PIF1: variants seen among roughly 807,000 people sequenced by gnomAD.
PIF1 encodes PIF1 5'-to-3' DNA helicase.
A neutral mutation model predicts 62.3 loss-of-function variants in PIF1; 67 were observed. That is an observed-to-expected ratio of 1.08 (90% CI 0.88 to 1.32). PIF1 has a LOEUF of 1.32. Among genes scored for constraint, PIF1 ranks in the 40% most tolerant of loss-of-function variants. The probability of loss-of-function intolerance (pLI) is 0.00; values close to 1 mark genes in which losing one functional copy is unlikely to be tolerated. For missense variants in PIF1, 886 were observed against 866.1 expected (o/e 1.02, Z -0.29); for synonymous variants, 364 against 379.5 (o/e 0.96, Z 0.47).
At chr15:64,819,620 C>T (rs1316726664) in intron 8 of PIF1, among the ~76,000 whole-genome samples, 1 of 152,120 alleles carries the variant, frequency 6.6e-6, no homozygotes, top group Non-Finnish European at 1.5e-5. Context: ...CCAAAAAAAA[C>T]TATTAGACCA....
intron 1 of PIF1, among the ~76,000 whole-genome samples, chr15:64,824,883 G>GTATA (rs1455524475): frequency 6.6e-4 from 97 of 147,266 alleles, no homozygotes; most frequent in African/African-American, 2.3e-3. Context: ...GTGTGTGTGT[G>GTATA]TATATATATG....
At chr15:64,824,999 A>T (rs1001085108) in intron 1 of PIF1, among the ~76,000 whole-genome samples, 48 of 147,982 alleles carry the variant, frequency 3.2e-4, no homozygotes, top group Non-Finnish European at 5.8e-4. Flanking sequence ...CTATATATAT[A>T]CACACACACA....
intron 8 of PIF1, 115 bp from the exon 9 acceptor site, chr15:64,819,338 T>C: frequency 1.4e-6 from 1 of 731,938 alleles, no homozygotes; most frequent in Non-Finnish European, 2.2e-6. Context: ...TGAGAAGGAG[T>C]TTCGCTCTGT....
intron 9 of PIF1, 82 bp from the exon 10 acceptor site, chr15:64,818,426 G>C (rs1490401316): frequency 7.6e-7 from 1 of 1,317,488 alleles, no homozygotes; most frequent in Non-Finnish European, 1.1e-6. Flanking sequence ...CTCAGAGGCT[G>C]AGGGCAGGGA....
intron 7 of PIF1, among the ~76,000 whole-genome samples, 182 bp downstream of exon 7, chr15:64,820,800 T>C (rs149329698): frequency 4.6e-5 from 7 of 152,198 alleles, no homozygotes; most frequent in Non-Finnish European, 8.8e-5. Context: ...GGTGCCATGA[T>C]GGTCTTGACT....
chr15:64,825,082 G>A (rs1377939654), intron 1 of PIF1, among the ~76,000 whole-genome samples: 2 of 151,718 alleles, frequency 1.3e-5, no homozygotes, highest in Non-Finnish European at 2.9e-5. Flanking sequence ...GAGGATTAGG[G>A]AGCCTCAGGT....
At chr15:64,820,190 G>A (rs986013852) in intron 7 of PIF1, among the ~76,000 whole-genome samples, 6 of 152,196 alleles carry the variant, frequency 3.9e-5, no homozygotes, top group African/African-American at 9.6e-5. Flanking sequence ...CAGGGGCAGG[G>A]TACTGAGCTT....
chr15:64,826,426 C>T (rs142946062), upstream of PIF1, among the ~76,000 whole-genome samples: 1 of 150,736 alleles, frequency 6.6e-6, no homozygotes, highest in Non-Finnish European at 1.5e-5. Flanking sequence ...ATTAAATTGC[C>T]CTTTCCTTTC....
chr15:64,821,131 C>T (rs1374020233), intron 6 of PIF1, 36 bp downstream of exon 6: 2 of 1,613,324 alleles, frequency 1.2e-6, no homozygotes, highest in South Asian at 1.1e-5. Flanking sequence ...GCAGAGCAGA[C>T]CCCCAAGGAG....
rs540412633 is a variant in PIF1, at chr15:64,824,904, T to C, written c.-19-550A>G. ...GTGTGTATATATATGTATATATATA[T>C]ATACACACACGCACCCTGCTACACA... On this transcript the variant is annotated intron_variant, in intron 1 of 12. Coordinates refer to ENST00000559239, the MANE Select transcript of PIF1 (RefSeq NM_001286496.2). Among the ~76,000 whole-genome samples, 278 of 149,940 alleles carry C rather than the reference T, an allele frequency of 1.9e-3. 2 individuals are homozygous for C. The highest frequency in any genetic ancestry group is 3.1e-3 in the Non-Finnish European group (212 of 67,634).
In PIF1 at chr15:64,821,414, G is replaced by C; in HGVS notation, c.924C>G (p.Ile308Met). ...LNCQRLVIDE[I>M]SMVEADLFDK... ...CAAACAGGTCTGCCTCCACCATTGA[G>C]ATCTCGTCAATGACCAACCGCTGGC... The change falls in exon 5 of 13, where the codon ATC (isoleucine) becomes ATG (methionine). Residue 308 changes from isoleucine to methionine, a missense_variant. By Grantham distance (10) the Ile-to-Met change is conservative. Coordinates refer to ENST00000559239, the MANE Select transcript of PIF1 (RefSeq NM_001286496.2). 1 of 1,614,192 alleles carries C rather than the reference G, an allele frequency of 6.2e-7. No individual in the cohort carries two copies. Among genetic ancestry groups the C allele is most frequent in the Non-Finnish European group, 8.5e-7 (1 of 1,180,030 alleles).
chr15:64,816,391 T>G, intron 12 of PIF1, 34 bp from the exon 13 acceptor site: 1 of 1,613,468 alleles, frequency 6.2e-7, no homozygotes, highest in South Asian at 1.1e-5. Flanking sequence ...AGTCATGGGT[T>G]TGTGCTGTTC....
chr15:64,818,990 G>A (rs1171728886), intron 9 of PIF1, 127 bp downstream of exon 9: 2 of 558,398 alleles, frequency 3.6e-6, no homozygotes, highest in African/African-American at 2.0e-5. Flanking sequence ...AGGAGGCAGG[G>A]AGGTTTTCAG....
rs1371280873 is a variant in PIF1 at position 64,822,510 on chromosome 15, T to C, written c.659A>G (p.Lys220Arg). The C allele has an allele frequency of 3.1e-6, 5 of 1,613,962 alleles. No homozygotes were observed. The highest frequency in any genetic ancestry group is 4.2e-6 in the Non-Finnish European group (5 of 1,179,994). The change falls in exon 3 of 13, where the codon AAA becomes AGA. Residue 220 changes from lysine to arginine, a missense_variant. Coordinates refer to ENST00000559239, the MANE Select transcript of PIF1 (RefSeq NM_001286496.2). ...CCCAGTGAAGAAGATGCTCTGGCCT[T>C]TCAGGACGGCCCTCAGCACAGCAGC... ...EQAAVLRAVL[K>R]GQSIFFTGSA...
Position 64,823,861 on chromosome 15 carries a change from G to T in PIF1, c.475C>A (p.Arg159=), listed in dbSNP as rs749267955. Residue 159 remains arginine, a synonymous_variant, in exon 2 of 13, where the codon CGG becomes AGG. Coordinates refer to ENST00000559239, the MANE Select transcript of PIF1 (RefSeq NM_001286496.2). ...GGAACCCGGGTGGCCGCCCTGAGCC[G>T]CCGCTCCTCGGGCTGCACAGGGCTG... is the stretch of plus-strand genomic sequence containing the variant. ...TISPVQPEER[R]LRAATRVPDT... 2.9e-6 allele frequency: 4 copies of T among 1,385,838 alleles called. No homozygotes were observed. Among genetic ancestry groups the T allele is most frequent in the Non-Finnish European group, 3.8e-6 (4 of 1,058,928 alleles). The allele number at this position is 1,385,838 out of a possible 1,614,324, so 85.8% of individuals were successfully genotyped here.
At position 64,816,075 on chromosome 15, in the gene PIF1, A is replaced by C; in HGVS notation, c.*223T>G. Reference sequence around the variant, plus strand: ...CACAGAAAGGGTTACTTCTGACCCTACAGCAGCTTACCCAGGGCAAAGTGA... The same window carrying C: ...CACAGAAAGGGTTACTTCTGACCCTCCAGCAGCTTACCCAGGGCAAAGTGA... On this transcript the variant is annotated 3_prime_UTR_variant, in exon 13 of 13. Transcript: ENST00000559239. The C allele has an allele frequency of 6.9e-7, 1 of 1,455,226 alleles. No homozygotes were observed. The highest frequency in any genetic ancestry group is 9.0e-7 in the Non-Finnish European group (1 of 1,109,348). The allele number at this position is 1,455,226 out of a possible 1,614,324, so 90.1% of individuals were successfully genotyped here.
Position 64,824,213 on chromosome 15 carries a change from C to G in PIF1, c.123G>C (p.Ala41=). 2 of 1,352,702 alleles carry G rather than the reference C, an allele frequency of 1.5e-6. No homozygotes were observed. The highest frequency in any genetic ancestry group is 1.9e-6 in the Non-Finnish European group (2 of 1,046,134). 83.8% of individuals were successfully genotyped at this position (1,352,702 alleles called of 1,614,324 possible). A position where few individuals can be genotyped will look rare whatever the true frequency, so the allele number is the denominator to read the frequency against. Residue 41 remains alanine, a synonymous_variant, in exon 2 of 13, where the codon GCG becomes GCC. Transcript: ENST00000559239. ...GCTCGTTGCGACCCAGGCTCAGCTC[C>G]GCGGTGCGCAGGGCCTGGCGCCTTC... ...QPRRRQALRT[A]ELSLGRNERR...
At chr15:64,826,584 C>T (rs1262097889), upstream of PIF1, among the ~76,000 whole-genome samples, 2 of 133,912 alleles carry the variant, frequency 1.5e-5, no homozygotes, top group Admixed American at 1.6e-4. Context: ...CCGCCTCAGC[C>T]CCCCAGGTAG....
chr15:64,826,665 T>TATAC (rs796684934), upstream of PIF1, among the ~76,000 whole-genome samples: 85 of 42,792 alleles, frequency 2.0e-3, no homozygotes, highest in East Asian at 3.1e-3. Flanking sequence ...TATATATATA[T>TATAC]ACACACACAC....
Sources: gnomAD v4.1 joint callset for allele counts (sites outside exome capture counted in the v4.1 genomes callset) on GRCh38, gnomAD v4.1.1 for gene constraint, MANE v1.5 for transcripts, NCBI Gene and HGNC (gene_info 2026-07-23, HGNC 2026-07-21) for gene names.